Variants in SV2C observed in about 807,000 individuals in gnomAD.
SV2C encodes solute carrier family 22 member B3.
SV2C carries 49 observed loss-of-function variants against 79.7 expected under a neutral mutation model. The ratio of observed to expected loss-of-function variants is 0.61; its 90% confidence interval spans 0.49 to 0.78. The LOEUF (loss-of-function observed/expected upper bound fraction) is 0.78, where lower values mean the gene tolerates loss of function less well. SV2C is among the 30% of genes least tolerant of loss of function. The pLI is 0.00. For synonymous variants in SV2C, 334 were observed against 333.2 expected, an observed-to-expected ratio of 1.00 and a Z score of -0.03; for missense variants, 833 against 912.9, an observed-to-expected ratio of 0.91 and a Z score of 1.13.
chr5:76,049,025 A>AAGAG, the SV2C span, among the ~76,000 whole-genome samples: 2 of 48,156 alleles, frequency 4.2e-5, no homozygotes, highest in African/African-American at 5.8e-5. Context: ...GAAAGAAAGA[A>AAGAG]AAAGAAAAGA....
intron 2 of SV2C, among the ~76,000 whole-genome samples, chr5:76,134,672 A>G (rs1411764069): frequency 2.0e-5 from 3 of 152,174 alleles, no homozygotes; most frequent in African/African-American, 4.8e-5. Context: ...ACTTAAAGGT[A>G]TCTAAGGGCA....
At chr5:76,102,470 T>C (rs1747775304) in intron 1 of SV2C, among the ~76,000 whole-genome samples, 1 of 152,206 alleles carries the variant, frequency 6.6e-6, no homozygotes, top group Non-Finnish European at 1.5e-5. Context: ...TAGCAATTAC[T>C]CTATGTTGTG....
At position 76,300,910 on chromosome 5, in the gene SV2C, A is replaced by C; in HGVS notation, c.1818A>C (p.Arg606Ser). The C allele has an allele frequency of 6.2e-7, 1 of 1,614,132 alleles. No homozygotes were observed. Among genetic ancestry groups the C allele is most frequent in the Non-Finnish European group, 8.5e-7 (1 of 1,179,988 alleles). ...GNIVSALLMD[R>S]IGRLTMLGGS... Reference sequence around the variant, plus strand: ...TTGTGTCTGCTCTGCTGATGGACAGAATTGGGCGCTTAACAATGCTAGGTA... The same window carrying C: ...TTGTGTCTGCTCTGCTGATGGACAGCATTGGGCGCTTAACAATGCTAGGTA... The change falls in exon 11 of 13, where the codon AGA becomes AGC. Residue 606 changes from arginine to serine, a missense_variant. Physicochemically the swap from Arg to Ser is moderately radical, Grantham distance 110. Transcript: ENST00000502798.
chr5:76,009,986 A>ATTT, the SV2C span, among the ~76,000 whole-genome samples: 5 of 100,004 alleles, frequency 5.0e-5, no homozygotes, highest in African/African-American at 1.9e-4. Context: ...TTACTTATCT[A>ATTT]TTTTGTTTTT....
At chr5:76,341,188 C>T (rs1179382381) in intron 12 of SV2C, among the ~76,000 whole-genome samples, 1 of 152,096 alleles carries the variant, frequency 6.6e-6, no homozygotes, top group Non-Finnish European at 1.5e-5. Flanking sequence ...ACCTCGGCCT[C>T]CCAAAGTGCT....
At chr5:76,102,864 C>T (rs557328489) in intron 1 of SV2C, among the ~76,000 whole-genome samples, 1 of 152,324 alleles carries the variant, frequency 6.6e-6, no homozygotes, top group Admixed American at 6.5e-5. Flanking sequence ...TGATGTGCTT[C>T]TGTGATTATC....
At chr5:75,864,316 CCA>C in the SV2C span, among the ~76,000 whole-genome samples, 4 of 143,384 alleles carry the variant, frequency 2.8e-5, no homozygotes, top group African/African-American at 1.2e-4. Flanking sequence ...GCCACTCCAT[CCA>C]TCCATCCATC....
At position 76,300,012 on chromosome 5, in the gene SV2C, C is replaced by G. The variant is rs573566547; in HGVS notation, c.1637-717C>G. Among the ~76,000 whole-genome samples the G allele has an allele frequency of 4.6e-5, 7 of 152,194 alleles. No homozygotes were observed. In the East Asian group the frequency reaches 1.4e-3, roughly 29 times the overall value. On this transcript the variant is annotated intron_variant, in intron 10 of 12. Coordinates refer to ENST00000502798, the MANE Select transcript of SV2C (RefSeq NM_014979.4). The stretch of plus-strand genomic sequence containing the variant: ...AATTCAGCCTCAGGAAAGACTTGTT[C>G]CTTCTCTGTGCCCTCTAGTCTCATA...
intron 4 of SV2C, among the ~76,000 whole-genome samples, chr5:76,230,791 A>C (rs1476405107): frequency 7.0e-6 from 1 of 143,878 alleles, no homozygotes; most frequent in Non-Finnish European, 1.5e-5. Context: ...TCTGTCTCAG[A>C]AGAAAAAAAA....
the SV2C span, among the ~76,000 whole-genome samples, chr5:75,907,130 A>G: frequency 3.9e-5 from 6 of 152,154 alleles, no homozygotes; most frequent in African/African-American, 1.4e-4. Context: ...CATATCATTG[A>G]CCAGGTGTGG....
chr5:76,309,665 A>C (rs1353270310), intron 12 of SV2C, among the ~76,000 whole-genome samples: 1 of 151,816 alleles, frequency 6.6e-6, no homozygotes, highest in Non-Finnish European at 1.5e-5. Context: ...GAAAGGGGAA[A>C]AGTCAACACT....
the SV2C span, among the ~76,000 whole-genome samples, chr5:75,908,650 A>G: frequency 3.3e-5 from 5 of 152,172 alleles, no homozygotes; most frequent in East Asian, 1.9e-4. Flanking sequence ...GTAAATTTCA[A>G]TTGTCAGAAA....
intron 1 of SV2C, among the ~76,000 whole-genome samples, chr5:76,108,082 A>G (rs1395190519): frequency 2.0e-5 from 3 of 152,130 alleles, no homozygotes; most frequent in African/African-American, 7.2e-5. Context: ...TTTTCAGGAT[A>G]CTTTTTTGGA....
In SV2C at chr5:76,150,989, A is replaced by G; in HGVS notation, c.580+18659A>G. 1.3e-5 allele frequency among the ~76,000 whole-genome samples: 2 copies of G among 152,204 alleles called. 1 individual carries two copies. Among genetic ancestry groups the G allele is most frequent in the African/African-American group, 4.8e-5 (2 of 41,440 alleles). ...GGTGCAAGCCACTGTAATCTGTTGT[A>G]TGGCAAATACAAAGATCAACCAGAT... On this transcript the variant is annotated intron_variant, in intron 2 of 12. Transcript: ENST00000502798.
At chr5:76,123,585 A>G (rs1748608342) in intron 1 of SV2C, among the ~76,000 whole-genome samples, 2 of 152,250 alleles carry the variant, frequency 1.3e-5, no homozygotes, top group South Asian at 2.1e-4. Flanking sequence ...ATGCAAATCA[A>G]TAAATGTAAT....
chr5:75,980,438 T>A, the SV2C span, among the ~76,000 whole-genome samples: 1 of 152,156 alleles, frequency 6.6e-6, no homozygotes, highest in Non-Finnish European at 1.5e-5. Context: ...CCAATATCCT[T>A]GATGAACATC....
At chr5:76,146,754 A>T (rs368045319) in intron 2 of SV2C, among the ~76,000 whole-genome samples, 4 of 148,630 alleles carry the variant, frequency 2.7e-5, no homozygotes, top group African/African-American at 9.9e-5. Context: ...GGCTAATGAC[A>T]TCAGAACTGG....
the SV2C span, among the ~76,000 whole-genome samples, chr5:76,037,331 G>C: frequency 1.3e-5 from 2 of 152,230 alleles, no homozygotes; most frequent in Non-Finnish European, 2.9e-5. Flanking sequence ...CTGCTTTTTA[G>C]AGTTTCCAGT....
intron 1 of SV2C, among the ~76,000 whole-genome samples, chr5:76,121,000 C>T (rs1440564873): frequency 3.3e-5 from 5 of 150,918 alleles, no homozygotes; most frequent in Admixed American, 1.3e-4. Context: ...TAAAAGTGTT[C>T]CTATTTCTCC....
Sources: gnomAD v4.1 joint callset for allele counts (sites outside exome capture counted in the v4.1 genomes callset) on GRCh38, gnomAD v4.1.1 for gene constraint, MANE v1.5 for transcripts, NCBI Gene and HGNC (gene_info 2026-07-23, HGNC 2026-07-21) for gene names.